Variants in MCFD2 observed in about 807,000 individuals in gnomAD.
MCFD2 encodes multiple coagulation factor deficiency protein 2.
Under a neutral mutation model 12.8 loss-of-function variants are expected in MCFD2, and 11 were observed. The observed-to-expected ratio is 0.86, with a 90% CI of 0.54 to 1.42. MCFD2 has a LOEUF of 1.42. MCFD2 is among the 40% of genes most tolerant of loss of function. The pLI, the probability that MCFD2 is intolerant of heterozygous loss-of-function variation, is 0.00. For synonymous variants in MCFD2, 70 were observed against 68.1 expected (o/e 1.03, Z -0.14); for missense variants, 191 against 178.6 (o/e 1.07, Z -0.40).
chr2:46,907,742 A>T lies in MCFD2; in HGVS notation c.309+68T>A. The T allele has an allele frequency of 6.5e-7, 1 of 1,532,740 alleles. No individual in the cohort carries two copies. The highest frequency in any genetic ancestry group is 9.0e-7 in the Non-Finnish European group (1 of 1,109,362). The allele number at this position is 1,532,740 out of a possible 1,614,324, so 94.9% of individuals were successfully genotyped here. ...CATAAGGACAACACAAGTCAACAAG[A>T]CTGGGGACCAAATTAACAAAGGGAA... On this transcript the variant is annotated intron_variant, in intron 3 of 3. Transcript: ENST00000319466. This position sits in a 1 kb window ranked among gnomAD's most constrained non-coding sequence, Gnocchi z 4.1.
chr2:46,916,250 A>G, upstream of MCFD2: 1 of 835,300 alleles, frequency 1.2e-6, no homozygotes, highest in Non-Finnish European at 1.4e-6. Context: ...TCTTGATGAA[A>G]CGACCACAAC....
chr2:46,927,960 C>CATGGCTCACTGCAGCCTCA, intron 1 of MCFD2, among the ~76,000 whole-genome samples: 1 of 130,262 alleles, frequency 7.7e-6, no homozygotes, highest in Non-Finnish European at 1.5e-5. Context: ...GTGGCACGGT[C>CATGGCTCACTGCAGCCTCA]ATGGCTCACT....
chr2:46,914,997 A>T (rs558284826), intron 1 of MCFD2, among the ~76,000 whole-genome samples: 64 of 152,298 alleles, frequency 4.2e-4, no homozygotes, highest in African/African-American at 1.4e-3. Context: ...GTGATAAGGG[A>T]ATGGGGGGAC....
chr2:46,933,659 A>T (rs1480928510), intron 1 of MCFD2, among the ~76,000 whole-genome samples: 1 of 152,244 alleles, frequency 6.6e-6, no homozygotes, highest in East Asian at 1.9e-4. Context: ...TTGATTTCCG[A>T]ATGTAGCGAT....
chr2:46,915,758 A>G lies in MCFD2; in HGVS notation c.-42T>C, dbSNP rs1367819276. On this transcript the variant is annotated 5_prime_UTR_variant, in exon 1 of 4. Transcript: ENST00000319466. The stretch of plus-strand genomic sequence containing the variant: ...TCCGAAGCAGACGCGAAGCCCTCCA[A>G]CGTGAGCCTCACCAGCCCCCGTCCC... 1.0e-6 allele frequency: 1 copy of G among 963,988 alleles called. No individual in the cohort carries two copies. The highest frequency in any genetic ancestry group is 1.2e-6 in the Non-Finnish European group (1 of 814,366). 59.7% of individuals were successfully genotyped at this position (963,988 alleles called of 1,614,324 possible).
chr2:46,916,912 C>T (rs544367160), upstream of MCFD2, among the ~76,000 whole-genome samples: 1 of 151,608 alleles, frequency 6.6e-6, no homozygotes, highest in African/African-American at 2.4e-5. Context: ...GGATTACAGG[C>T]GTGAGCCACC....
At chr2:46,917,415 TC>T (rs1207047347), upstream of MCFD2, 1 of 564,618 alleles carries the variant, frequency 1.8e-6, no homozygotes, top group African/African-American at 1.9e-5. Flanking sequence ...CTGCCATTCA[TC>T]CATCTCTTCA....
At chr2:46,929,490 CATAA>C (rs1558478672) in intron 1 of MCFD2, among the ~76,000 whole-genome samples, 4 of 152,000 alleles carry the variant, frequency 2.6e-5, no homozygotes, top group East Asian at 3.9e-4. Context: ...TCTCAAAATA[CATAA>C]ATAAATAAAG....
At chr2:46,917,163 T>A (rs975749689), upstream of MCFD2, 1 of 693,074 alleles carries the variant, frequency 1.4e-6, no homozygotes, top group African/African-American at 1.8e-5. Context: ...TAATCCCTAA[T>A]TTTTTTTTCT....
intron 1 of MCFD2, among the ~76,000 whole-genome samples, chr2:46,933,110 A>G (rs1669798334): frequency 6.6e-6 from 1 of 152,182 alleles, no homozygotes; most frequent in Non-Finnish European, 1.5e-5. Context: ...GAGAACCAGC[A>G]CTGGGCAAGA....
chr2:46,929,501 A>G (rs1669583272), intron 1 of MCFD2, among the ~76,000 whole-genome samples: 1 of 152,198 alleles, frequency 6.6e-6, no homozygotes, highest in Admixed American at 6.5e-5. Flanking sequence ...ATAAATAAAT[A>G]AAGAAATAAA....
upstream of MCFD2, chr2:46,915,894 C>T (rs970441749): frequency 2.0e-6 from 2 of 984,800 alleles, no homozygotes; most frequent in Non-Finnish European, 2.4e-6. Flanking sequence ...CTCCCGCTGG[C>T]GGCGGCGGGC....
At chr2:46,935,676 G>A (rs967554484) in intron 1 of MCFD2, among the ~76,000 whole-genome samples, 13 of 152,322 alleles carry the variant, frequency 8.5e-5, no homozygotes, top group Middle Eastern at 3.4e-3. Context: ...TGCAGTCCAA[G>A]ACCCCTGACT....
intron 1 of MCFD2, among the ~76,000 whole-genome samples, chr2:46,925,521 G>A (rs1669343260): frequency 6.6e-6 from 1 of 152,032 alleles, no homozygotes; most frequent in African/African-American, 2.4e-5. Context: ...TTACACCACT[G>A]CACTCCAGCC....
At chr2:46,931,204 C>A (rs1296828441) in intron 1 of MCFD2, among the ~76,000 whole-genome samples, 1 of 152,188 alleles carries the variant, frequency 6.6e-6, no homozygotes, top group Non-Finnish European at 1.5e-5. Flanking sequence ...CAGCTTTCAG[C>A]TGTAGCTGGG....
chr2:46,907,686 C>A lies in MCFD2; in HGVS notation c.309+124G>T, dbSNP rs1054992964. On this transcript the variant is annotated intron_variant, in intron 3 of 3. Transcript: ENST00000319466. The surrounding 1 kb of genome is among the most constrained non-coding windows in gnomAD (Gnocchi z 4.1). The stretch of plus-strand genomic sequence containing the variant: ...TGCTGGGATTACAGATGCGAGCCAT[C>A]ATGCCCAGTGGAGAAGCAGCACTCT... The A allele has an allele frequency of 5.6e-6, 6 of 1,069,114 alleles. No individual in the cohort carries two copies. Among genetic ancestry groups the A allele is most frequent in the Non-Finnish European group, 8.5e-6 (6 of 704,010 alleles). 66.2% of individuals were successfully genotyped at this position (1,069,114 alleles called of 1,614,324 possible).
chr2:46,939,563 A>G (rs1670158200), intron 1 of MCFD2, among the ~76,000 whole-genome samples: 1 of 152,196 alleles, frequency 6.6e-6, no homozygotes, highest in Non-Finnish European at 1.5e-5. Context: ...TTAGTTCACT[A>G]GGTGCTCTAC....
chr2:46,921,072 A>G (rs1669079174), intron 1 of MCFD2, among the ~76,000 whole-genome samples: 1 of 152,204 alleles, frequency 6.6e-6, no homozygotes, highest in Admixed American at 6.5e-5. Flanking sequence ...TCTTAGAGTG[A>G]AAGACTGAAT....
At chr2:46,909,528 T>TTA (rs1268961077) in intron 1 of MCFD2, among the ~76,000 whole-genome samples, 1 of 152,108 alleles carries the variant, frequency 6.6e-6, no homozygotes, top group African/African-American at 2.4e-5. Context: ...AGCCAGCAAG[T>TTA]TATATCAGAT....
Sources: allele counts gnomAD v4.1 joint callset (sites outside exome capture counted in the v4.1 genomes callset), GRCh38; gene constraint gnomAD v4.1.1; non-coding constraint Gnocchi (gnomAD v3.1); transcripts MANE v1.5; gene names NCBI Gene and HGNC (gene_info 2026-07-23, HGNC 2026-07-21).